The following LAMA4 variants were observed in gnomAD, a reference collection of about 807,000 sequenced individuals.
The protein encoded by LAMA4 is laminin subunit alpha-4.
A neutral mutation model predicts 207.1 loss-of-function variants in LAMA4; 127 were observed. The observed-to-expected ratio is 0.61, with a 90% CI of 0.53 to 0.71. The LOEUF is 0.71. LAMA4 is among the 30% of genes least tolerant of loss of function. The pLI is 0.00. For synonymous variants in LAMA4, 761 were observed against 816.0 expected, an observed-to-expected ratio of 0.93 and a Z score of 1.15; for missense variants, 2,093 against 2,246.5, an observed-to-expected ratio of 0.93 and a Z score of 1.38.
At chr6:112,200,860 C>T (rs1324039060) in intron 5 of LAMA4, among the ~76,000 whole-genome samples, 2 of 151,638 alleles carry the variant, frequency 1.3e-5, no homozygotes, top group Admixed American at 1.3e-4. Context: ...GGGAGGGGAA[C>T]ATCACATACC....
In LAMA4 at chr6:112,216,266, G is replaced by A. The variant is rs73764713; in HGVS notation, c.297+102C>T. On this transcript the variant is annotated intron_variant, in intron 3 of 38. Transcript: ENST00000230538. The stretch of plus-strand genomic sequence containing the variant: ...GGTGAACAAAAGCACTTGATTAGCA[G>A]TTTGCTCCTATGTGGCTCAAACATC... The A allele has an allele frequency of 9.0e-3, 7,159 of 794,528 alleles. 333 individuals carry two copies. In the African/African-American group the frequency reaches 0.1, roughly 11 times the overall value. 49.2% of individuals were successfully genotyped at this position (794,528 alleles called of 1,614,324 possible). A position where few individuals can be genotyped will look rare whatever the true frequency, so the allele number is the denominator to read the frequency against.
chr6:112,122,071 C>G lies in LAMA4; in HGVS notation c.4418G>C (p.Gly1473Ala). 6.2e-7 allele frequency: 1 copy of G among 1,614,016 alleles called. No homozygotes were observed. Among genetic ancestry groups the G allele is most frequent in the Non-Finnish European group, 8.5e-7 (1 of 1,179,942 alleles). Residue 1473 changes from glycine to alanine, a missense_variant, in exon 32 of 39, where the codon GGA becomes GCA. Around this residue, in one of 3 missense-constraint regions of LAMA4, gnomAD observed 383 missense variants for 437.8 expected, o/e 0.87. Coordinates refer to ENST00000230538, the MANE Select transcript of LAMA4 (RefSeq NM_001105206.3). ...CTCTTGGCGGCTGTTGGCTGTTCCTCCATATTGATAGGCGTGCTCTATTGC... is the reference window on the plus strand; with the variant it reads ...CTCTTGGCGGCTGTTGGCTGTTCCTGCATATTGATAGGCGTGCTCTATTGC... ...PRAIEHAYQY[G>A]GTANSRQEFE...
chr6:112,229,825 G>A (rs1044253701), intron 2 of LAMA4, among the ~76,000 whole-genome samples: 2 of 152,156 alleles, frequency 1.3e-5, no homozygotes, highest in Middle Eastern at 3.2e-3. Flanking sequence ...AATTGATGGA[G>A]CATATTTTCA....
At chr6:112,210,966 A>T (rs1210524022) in intron 3 of LAMA4, among the ~76,000 whole-genome samples, 1 of 152,174 alleles carries the variant, frequency 6.6e-6, no homozygotes, top group African/African-American at 2.4e-5. Flanking sequence ...AGTCCACATT[A>T]AAAAAAGCTC....
At chr6:112,172,913 AT>A in intron 11 of LAMA4, 109 bp from the exon 12 acceptor site, 1 of 798,202 alleles carries the variant, frequency 1.3e-6, no homozygotes, top group Non-Finnish European at 2.1e-6. Flanking sequence ...TTCTTTAGCA[AT>A]GGAGATTGAA....
intron 24 of LAMA4, 53 bp from the exon 25 acceptor site, chr6:112,136,307 C>T (rs1232088716): frequency 1.4e-6 from 2 of 1,418,948 alleles, no homozygotes; most frequent in Admixed American, 3.4e-5. Context: ...CGAGTAGAGT[C>T]AGATTTAGCT....
At position 112,249,606 on chromosome 6, in the gene LAMA4, G is replaced by A. The variant is rs541576870; in HGVS notation, c.195+4350C>T. On this transcript the variant is annotated intron_variant, in intron 2 of 38. Transcript: ENST00000230538. ...TGTGCTGCTTACAAGCAGGGGCCTGGGCAAATGCTCTGTGCCTCGGTTTCT... is the reference window on the plus strand; with the variant it reads ...TGTGCTGCTTACAAGCAGGGGCCTGAGCAAATGCTCTGTGCCTCGGTTTCT... 3.9e-5 allele frequency among the ~76,000 whole-genome samples: 6 copies of A among 152,208 alleles called. No individual in the cohort carries two copies. In the South Asian group the frequency reaches 1.2e-3, roughly 32 times the overall value.
chr6:112,236,491 G>C (rs1785932967), intron 2 of LAMA4: 1 of 152,196 alleles, frequency 6.6e-6, no homozygotes, highest in African/African-American at 2.4e-5. Context: ...GTAGTCATTG[G>C]AAATTCCAAT....
chr6:112,225,826 A>G (rs376915434), intron 2 of LAMA4, among the ~76,000 whole-genome samples: 2 of 152,244 alleles, frequency 1.3e-5, no homozygotes, highest in Non-Finnish European at 1.5e-5. Context: ...CTTAAACAAC[A>G]AAAGAGTTCT....
Position 112,168,105 on chromosome 6 carries a change from G to A in LAMA4, c.1552-2829C>T, listed in dbSNP as rs191648280. Reference sequence around the variant, plus strand: ...CCCAGCTACTCAGGAGGCTGAGACAGGAGAATGGCACGAACCCGGGAGGCA... The same window carrying A: ...CCCAGCTACTCAGGAGGCTGAGACAAGAGAATGGCACGAACCCGGGAGGCA... On this transcript the variant is annotated intron_variant, in intron 12 of 38. Transcript: ENST00000230538. Among the ~76,000 whole-genome samples the A allele has an allele frequency of 2.7e-3, 410 of 151,782 alleles. 2 individuals carry two copies. The highest frequency in any genetic ancestry group is 9.5e-3 in the African/African-American group (392 of 41,388).
intron 5 of LAMA4, among the ~76,000 whole-genome samples, chr6:112,197,527 A>G (rs182494108): frequency 1.2e-3 from 177 of 152,354 alleles, no homozygotes; most frequent in African/African-American, 4.1e-3. Flanking sequence ...TCAAACATGA[A>G]GCTAGGTAGA....
intron 32 of LAMA4, among the ~76,000 whole-genome samples, chr6:112,121,444 C>G (rs1778351002): frequency 6.6e-6 from 1 of 152,156 alleles, no homozygotes; most frequent in African/African-American, 2.4e-5. Flanking sequence ...TACTTTGCCT[C>G]TATGAATGTT....
At chr6:112,165,068 G>T (rs1277196188) in intron 13 of LAMA4, 92 bp downstream of exon 13, 38 of 803,074 alleles carry the variant, frequency 4.7e-5, no homozygotes, top group Middle Eastern at 2.5e-4. Context: ...CTGCTCACTG[G>T]TTAGATATGA....
chr6:112,152,530 T>C (rs1485236268), intron 16 of LAMA4, among the ~76,000 whole-genome samples: 1 of 152,138 alleles, frequency 6.6e-6, no homozygotes, highest in Non-Finnish European at 1.5e-5. Context: ...CATTTCTGTT[T>C]GTGCTTTAAT....
chr6:112,144,768 G>T (rs1779919356), intron 19 of LAMA4, 26 bp downstream of exon 19: 4 of 1,610,942 alleles, frequency 2.5e-6, no homozygotes, highest in South Asian at 1.1e-5. Context: ...ACCGCTGACT[G>T]ACTGATGAGT....
chr6:112,150,901 T>C (rs1210881544), intron 16 of LAMA4, among the ~76,000 whole-genome samples: 1 of 152,106 alleles, frequency 6.6e-6, no homozygotes, highest in Non-Finnish European at 1.5e-5. Context: ...CCATGACTAA[T>C]AACACCAAGC....
intron 27 of LAMA4, among the ~76,000 whole-genome samples, 200 bp from the exon 28 acceptor site, chr6:112,133,090 A>G (rs1024314168): frequency 5.3e-5 from 8 of 152,242 alleles, no homozygotes; most frequent in Admixed American, 1.3e-4. Context: ...ACTGACTCCA[A>G]CCTGAGTGAA....
intron 18 of LAMA4, among the ~76,000 whole-genome samples, chr6:112,146,831 T>G (rs1340494048): frequency 5.9e-5 from 9 of 152,162 alleles, no homozygotes; most frequent in African/African-American, 2.2e-4. Context: ...AGGTAAATAT[T>G]TATTGTTTGG....
At chr6:112,110,460 G>T (rs73541478) in intron 38 of LAMA4, among the ~76,000 whole-genome samples, 6,493 of 152,270 alleles carry the variant, frequency 0.043, 452 homozygotes, top group African/African-American at 0.15. Flanking sequence ...GCAAGCAGCT[G>T]TAATAAGTTT....
Sources: gnomAD v4.1 joint callset for allele counts (sites outside exome capture counted in the v4.1 genomes callset) on GRCh38, gnomAD v4.1.1 for gene constraint, gnomAD v4.1.1 regional missense constraint, MANE v1.5 for transcripts, NCBI Gene and HGNC (gene_info 2026-07-23, HGNC 2026-07-21) for gene names.